MYO3B: variants seen among roughly 807,000 people sequenced by gnomAD.
MYO3B encodes myosin IIIB.
Under a neutral mutation model 174.6 loss-of-function variants are expected in MYO3B, and 156 were observed. That is an observed-to-expected ratio of 0.89 (90% confidence interval 0.78 to 1.02). MYO3B has a LOEUF of 1.02. MYO3B is among the 50% of genes least tolerant of loss of function. The pLI is 0.00. For missense variants in MYO3B, 1,632 were observed against 1,639.4 expected (o/e 1.00, Z 0.08); for synonymous variants, 563 against 569.1 (o/e 0.99, Z 0.15).
chr2:170,481,609 A>G (rs1353058443), intron 25 of MYO3B, among the ~76,000 whole-genome samples: 1 of 152,128 alleles, frequency 6.6e-6, no homozygotes, highest in Non-Finnish European at 1.5e-5. Context: ...AGTAAAGAAG[A>G]ATATTCCATG....
chr2:170,637,913 T>C (rs1481735149), intron 32 of MYO3B, among the ~76,000 whole-genome samples: 1 of 152,218 alleles, frequency 6.6e-6, no homozygotes, highest in Non-Finnish European at 1.5e-5. Context: ...ATACTTACTA[T>C]TTTCTTGGCT....
intron 32 of MYO3B, among the ~76,000 whole-genome samples, chr2:170,552,167 C>T (rs1206819144): frequency 6.6e-6 from 1 of 151,990 alleles, no homozygotes; most frequent in African/African-American, 2.4e-5. Context: ...AAAGGTATTA[C>T]CATAAAGATA....
intron 32 of MYO3B, among the ~76,000 whole-genome samples, chr2:170,649,664 A>G (rs931997954): frequency 5.3e-5 from 8 of 150,418 alleles, no homozygotes; most frequent in Non-Finnish European, 1.0e-4. Flanking sequence ...CCATCTCTAC[A>G]AAAAATACAA....
At chr2:170,444,757 G>A (rs6756176) in intron 23 of MYO3B, among the ~76,000 whole-genome samples, 147,456 of 152,306 alleles carry the variant, frequency 0.97, 71,553 homozygotes, top group East Asian at 1. Flanking sequence ...TTTGCAGAGT[G>A]GGAACTCAAA....
intron 12 of MYO3B, among the ~76,000 whole-genome samples, chr2:170,384,696 A>G (rs1483957908): frequency 9.9e-5 from 15 of 152,206 alleles, no homozygotes; most frequent in East Asian, 1.9e-4. Flanking sequence ...AGAGAAATAT[A>G]TATCGTTTTT....
At chr2:170,351,297 T>A (rs2094066528) in intron 8 of MYO3B, among the ~76,000 whole-genome samples, 1 of 152,062 alleles carries the variant, frequency 6.6e-6, no homozygotes, top group South Asian at 2.1e-4. Flanking sequence ...TTTAGGCTGA[T>A]AAAAAGCGTC....
chr2:170,200,141 CCT>C lies in MYO3B; in HGVS notation c.187-8_187-7del, dbSNP rs1430899197. The stretch of plus-strand genomic sequence containing the variant: ...TTTAATCCAGCTTGCATTTTTCTAC[CCT>C]GTTTAGGATATGGATGAAGAAATTG... On this transcript the variant is annotated splice_polypyrimidine_tract_variant and splice_region_variant and intron_variant, in intron 2 of 34. Coordinates refer to ENST00000408978, the MANE Select transcript of MYO3B (RefSeq NM_138995.5). The C allele has an allele frequency of 1.9e-6, 3 of 1,608,532 alleles. No homozygotes were observed. Among genetic ancestry groups the C allele is most frequent in the Admixed American group, 1.7e-5 (1 of 59,328 alleles).
intron 7 of MYO3B, among the ~76,000 whole-genome samples, chr2:170,244,842 C>T (rs898359170): frequency 2.0e-5 from 3 of 152,088 alleles, no homozygotes; most frequent in Non-Finnish European, 4.4e-5. Flanking sequence ...ATATTTGTAT[C>T]TTTGGCCTTA....
chr2:170,543,738 T>C (rs1249820076), intron 31 of MYO3B, among the ~76,000 whole-genome samples, 154 bp from the exon 32 acceptor site: 2 of 152,230 alleles, frequency 1.3e-5, no homozygotes, highest in African/African-American at 2.4e-5. Flanking sequence ...TTCAATTCTA[T>C]GTAAGATGGG....
chr2:170,612,072 T>C (rs1695157610), intron 32 of MYO3B, among the ~76,000 whole-genome samples: 1 of 152,202 alleles, frequency 6.6e-6, no homozygotes, highest in Non-Finnish European at 1.5e-5. Flanking sequence ...CCTTGATACC[T>C]GGGCATGATA....
intron 4 of MYO3B, 96 bp from the exon 5 acceptor site, chr2:170,214,633 T>G: frequency 1.5e-6 from 2 of 1,343,164 alleles, no homozygotes; most frequent in Non-Finnish European, 2.1e-6. Flanking sequence ...TAGACTTTCA[T>G]GAGACTTTTC....
rs183567941 is a variant in MYO3B at position 170,606,692 on chromosome 2, C to T, written c.3734-44936C>T. On this transcript the variant is annotated intron_variant, in intron 32 of 34. Transcript: ENST00000408978. The stretch of plus-strand genomic sequence containing the variant: ...TTTAGGAATGCGTAAATATTTGCAA[C>T]ATTTTCTCTAACTCTGCTATGATGT... Among the ~76,000 whole-genome samples, 105 of 152,254 alleles carry T rather than the reference C, an allele frequency of 6.9e-4. 1 individual carries two copies. Among genetic ancestry groups the T allele is most frequent in the Middle Eastern group, 3.4e-3 (1 of 294 alleles).
chr2:170,298,543 C>T (rs992520190), intron 7 of MYO3B, among the ~76,000 whole-genome samples: 10 of 151,574 alleles, frequency 6.6e-5, no homozygotes, highest in Admixed American at 1.3e-4. Flanking sequence ...GGTGTGCTGG[C>T]GGGGACCTGT....
chr2:170,573,168 C>T (rs1012155967), intron 32 of MYO3B, among the ~76,000 whole-genome samples: 9 of 147,644 alleles, frequency 6.1e-5, no homozygotes, highest in Non-Finnish European at 1.0e-4. Context: ...TATATATATA[C>T]ACCTAGTATA....
chr2:170,489,818 T>C (rs2106040596), intron 25 of MYO3B, among the ~76,000 whole-genome samples: 1 of 152,182 alleles, frequency 6.6e-6, no homozygotes, highest in Admixed American at 6.5e-5. Context: ...TTATAGAGGG[T>C]AATCTGCTTT....
intron 32 of MYO3B, among the ~76,000 whole-genome samples, chr2:170,550,852 C>T (rs571390115): frequency 1.3e-5 from 2 of 152,216 alleles, no homozygotes; most frequent in Admixed American, 6.5e-5. Flanking sequence ...TCTAAATAGT[C>T]TATAAAGTAT....
intron 7 of MYO3B, among the ~76,000 whole-genome samples, chr2:170,285,110 T>C (rs1008674613): frequency 2.6e-5 from 4 of 152,228 alleles, no homozygotes; most frequent in Admixed American, 2.6e-4. Flanking sequence ...TATTAATAGC[T>C]ATGTTCTTAC....
intron 22 of MYO3B, among the ~76,000 whole-genome samples, chr2:170,440,307 A>G (rs2094789766): frequency 6.6e-6 from 1 of 152,090 alleles, no homozygotes; most frequent in Non-Finnish European, 1.5e-5. Context: ...TATTTTTTCT[A>G]TCTGCAAAAG....
chr2:170,182,767 C>T (rs1281854388), intron 1 of MYO3B, among the ~76,000 whole-genome samples: 2 of 151,690 alleles, frequency 1.3e-5, no homozygotes, highest in Non-Finnish European at 2.9e-5. Flanking sequence ...ACCTGCACCA[C>T]ACCCGGCTAA....
Sources: allele counts gnomAD v4.1 joint callset (sites outside exome capture counted in the v4.1 genomes callset), GRCh38; gene constraint gnomAD v4.1.1; transcripts MANE v1.5; gene names NCBI Gene and HGNC (gene_info 2026-07-23, HGNC 2026-07-21).